Variants in TDRD5 observed in about 807,000 individuals in gnomAD.
TDRD5 encodes the protein tudor domain containing 5.
TDRD5 carries 41 observed loss-of-function variants against 120.6 expected under a neutral mutation model. That is an observed-to-expected ratio of 0.34 (90% confidence interval 0.26 to 0.44). The LOEUF is 0.44. Among genes scored for constraint, TDRD5 ranks in the 20% least tolerant of loss-of-function variants. The pLI, the probability that TDRD5 is intolerant of heterozygous loss-of-function variation, is 1.00. For missense variants in TDRD5, 1,006 were observed against 1,221.2 expected (o/e 0.82, Z 2.63); for synonymous variants, 430 against 433.7 (o/e 0.99, Z 0.11).
intron 7 of TDRD5, 145 bp downstream of exon 7, chr1:179,631,065 T>C: frequency 1.1e-6 from 1 of 898,934 alleles, no homozygotes; most frequent in Non-Finnish European, 1.6e-6. Flanking sequence ...GGTTAATCTG[T>C]ATTGTTAATA....
At chr1:179,614,402 G>A (rs368400024) in intron 4 of TDRD5, among the ~76,000 whole-genome samples, 13 of 152,120 alleles carry the variant, frequency 8.5e-5, no homozygotes, top group African/African-American at 3.1e-4. Context: ...GCCTAAGTTG[G>A]GCATTTGCTC....
intron 17 of TDRD5, among the ~76,000 whole-genome samples, chr1:179,669,680 A>G (rs1351474273): frequency 6.6e-6 from 1 of 151,446 alleles, no homozygotes; most frequent in East Asian, 1.9e-4. Flanking sequence ...TAGTTCTTTG[A>G]GTTTCGACAA....
At chr1:179,666,407 C>G (rs1216665725) in intron 16 of TDRD5, among the ~76,000 whole-genome samples, 1 of 152,158 alleles carries the variant, frequency 6.6e-6, no homozygotes, top group East Asian at 1.9e-4. Flanking sequence ...AGTGATTATC[C>G]TTCAAGTCAC....
At chr1:179,613,491 C>A (rs1003707957) in intron 4 of TDRD5, among the ~76,000 whole-genome samples, 3 of 152,188 alleles carry the variant, frequency 2.0e-5, no homozygotes, top group African/African-American at 7.2e-5. Context: ...CAAGCTACCG[C>A]AAACTGGGTG....
chr1:179,656,223 A>G (rs1678998575), intron 14 of TDRD5, among the ~76,000 whole-genome samples: 1 of 152,186 alleles, frequency 6.6e-6, no homozygotes. Flanking sequence ...GTTGTCATCT[A>G]TACACAATTC....
intron 12 of TDRD5, 127 bp downstream of exon 12, chr1:179,651,194 C>A: frequency 9.4e-7 from 1 of 1,058,922 alleles, no homozygotes; most frequent in Non-Finnish European, 1.3e-6. Context: ...CACGAGATTC[C>A]TGGCTTTTTA....
intron 17 of TDRD5, among the ~76,000 whole-genome samples, chr1:179,684,222 G>A (rs1019889288): frequency 3.9e-5 from 6 of 152,028 alleles, no homozygotes; most frequent in Admixed American, 1.3e-4. Flanking sequence ...AACAGGCCCC[G>A]GTGTGTGATG....
chr1:179,682,659 G>A (rs1680488137), intron 17 of TDRD5, among the ~76,000 whole-genome samples: 1 of 151,794 alleles, frequency 6.6e-6, no homozygotes, highest in Non-Finnish European at 1.5e-5. Context: ...GTCTTTTTTG[G>A]GGGGTGGGGA....
chr1:179,639,765 C>G, intron 9 of TDRD5, 74 bp from the exon 10 acceptor site: 2 of 1,507,114 alleles, frequency 1.3e-6, no homozygotes, highest in Non-Finnish European at 1.8e-6. Flanking sequence ...GACTTTCTGG[C>G]TTGATACATT....
chr1:179,624,459 A>C (rs1016758014), intron 6 of TDRD5, among the ~76,000 whole-genome samples: 1 of 152,136 alleles, frequency 6.6e-6, no homozygotes, highest in Non-Finnish European at 1.5e-5. Flanking sequence ...AGGCATGAAA[A>C]CCTAAAAGAA....
chr1:179,618,577 C>A (rs772164833), intron 4 of TDRD5, 22 bp from the exon 5 acceptor site: 1 of 1,545,334 alleles, frequency 6.5e-7, no homozygotes, highest in East Asian at 2.4e-5. Context: ...TGTGACTTGA[C>A]TTTTTTTTTC....
chr1:179,597,557 C>A (rs1319886720), intron 4 of TDRD5, among the ~76,000 whole-genome samples: 1 of 152,046 alleles, frequency 6.6e-6, no homozygotes, highest in Non-Finnish European at 1.5e-5. Context: ...GTCTTGAACT[C>A]CTGACCTCAG....
intron 15 of TDRD5, among the ~76,000 whole-genome samples, chr1:179,662,528 G>T (rs1679365740): frequency 6.6e-6 from 1 of 152,056 alleles, no homozygotes; most frequent in South Asian, 2.1e-4. Flanking sequence ...CTGGGAGCTG[G>T]AGGTTGCAGT....
intron 4 of TDRD5, among the ~76,000 whole-genome samples, chr1:179,610,100 T>G (rs1676204353): frequency 6.6e-6 from 1 of 152,098 alleles, no homozygotes; most frequent in African/African-American, 2.4e-5. Flanking sequence ...AGCTCTAAAT[T>G]GTTGTTTCAT....
chr1:179,597,415 T>G (rs1045620283), intron 4 of TDRD5, among the ~76,000 whole-genome samples: 1 of 151,380 alleles, frequency 6.6e-6, no homozygotes, highest in Non-Finnish European at 1.5e-5. Context: ...CACTGCAACT[T>G]CCGTCTCCCG....
At chr1:179,612,235 G>C (rs180751272) in intron 4 of TDRD5, among the ~76,000 whole-genome samples, 2 of 152,216 alleles carry the variant, frequency 1.3e-5, no homozygotes, top group East Asian at 3.9e-4. Context: ...GTAAAATGAG[G>C]ATCAGAATGT....
chr1:179,690,194 A>C (rs1681058183), intron 17 of TDRD5, among the ~76,000 whole-genome samples: 1 of 151,926 alleles, frequency 6.6e-6, no homozygotes. Flanking sequence ...CCATCTTAGA[A>C]CCTCTCGGCA....
rs1379491998 is a variant in TDRD5 at position 179,655,632 on chromosome 1, A to C, written c.2322+1270A>C. Reference sequence around the variant, plus strand: ...TCTCCCCACATCCCTAACCCCTAGCAACTGGTCTGGGGTCTGTTTTCTGTC... The same window carrying C: ...TCTCCCCACATCCCTAACCCCTAGCCACTGGTCTGGGGTCTGTTTTCTGTC... On this transcript the variant is annotated intron_variant, in intron 14 of 17. Transcript: ENST00000444136. Among the ~76,000 whole-genome samples, 3 of 152,060 alleles carry C rather than the reference A, an allele frequency of 2.0e-5. No individual in the cohort carries two copies. The East Asian group carries it at 5.8e-4, about 29-fold the overall frequency.
At chr1:179,654,984 T>C (rs935798330) in intron 14 of TDRD5, among the ~76,000 whole-genome samples, 1 of 152,180 alleles carries the variant, frequency 6.6e-6, no homozygotes, top group African/African-American at 2.4e-5. Flanking sequence ...TTTACAACTT[T>C]TTTGGAGGAT....
Sources: allele counts gnomAD v4.1 joint callset (sites outside exome capture counted in the v4.1 genomes callset), GRCh38; gene constraint gnomAD v4.1.1; transcripts MANE v1.5; gene names NCBI Gene and HGNC (gene_info 2026-07-23, HGNC 2026-07-21).